Variants in LHCGR observed in about 807,000 individuals in gnomAD.
LHCGR encodes the protein luteinizing hormone/choriogonadotropin receptor.
In LHCGR, 55 loss-of-function variants were observed where a neutral mutation model predicts 60.7. The observed-to-expected ratio is 0.91, with a 90% CI of 0.73 to 1.13. The LOEUF (loss-of-function observed/expected upper bound fraction) is 1.13, where lower values mean the gene tolerates loss of function less well. LHCGR is among the 50% of genes most tolerant of loss of function. The pLI is 0.00. For missense variants in LHCGR, 862 were observed against 836.0 expected, an observed-to-expected ratio of 1.03 and a Z score of -0.38; for synonymous variants, 337 against 316.5, an observed-to-expected ratio of 1.06 and a Z score of -0.69.
intron 1 of LHCGR, among the ~76,000 whole-genome samples, chr2:48,737,103 G>T (rs1162773132): frequency 6.6e-6 from 1 of 152,196 alleles, no homozygotes; most frequent in Non-Finnish European, 1.5e-5. Context: ...GACTGTATAG[G>T]CTCTTTGGTC....
At chr2:48,750,978 C>G (rs1379294856) in intron 1 of LHCGR, among the ~76,000 whole-genome samples, 2 of 152,194 alleles carry the variant, frequency 1.3e-5, no homozygotes, top group African/African-American at 2.4e-5. Context: ...GTCAATATTG[C>G]TAAGATTTAG....
chr2:48,691,409 A>T (rs183017769), intron 10 of LHCGR, among the ~76,000 whole-genome samples: 160 of 152,332 alleles, frequency 1.1e-3, no homozygotes, highest in African/African-American at 3.6e-3. Context: ...CTCGTGTTTT[A>T]TTATTAAATA....
intron 1 of LHCGR, among the ~76,000 whole-genome samples, chr2:48,754,607 C>G (rs938680665): frequency 7.9e-5 from 12 of 152,250 alleles, no homozygotes; most frequent in African/African-American, 2.2e-4. Flanking sequence ...CCCCCCGCCC[C>G]AAGCCCATAC....
chr2:48,748,676 C>T (rs186590238), intron 1 of LHCGR, among the ~76,000 whole-genome samples: 1 of 152,286 alleles, frequency 6.6e-6, no homozygotes, highest in African/African-American at 2.4e-5. Context: ...TTAGTCTTCT[C>T]TGCATCATCA....
chr2:48,755,651 C>G lies in LHCGR; in HGVS notation c.21G>C (p.Ala7=), dbSNP rs1670179093. The G allele has an allele frequency of 1.3e-6, 2 of 1,535,528 alleles. No homozygotes were observed. The highest frequency in any genetic ancestry group is 1.7e-6 in the Non-Finnish European group (2 of 1,146,344). Residue 7 remains alanine (A), a synonymous_variant, in exon 1 of 11, where the codon GCG becomes GCC. Coordinates refer to ENST00000294954, the MANE Select transcript of LHCGR (RefSeq NM_000233.4). MKQRFS[A]LQLLKLLLLL... ...GCAGCAGCAGCTTCAGCAGCTGCAG[C>G]GCCGAGAACCGCTGCTTCATGGCCG...
chr2:48,748,354 G>C (rs557634788), intron 1 of LHCGR, among the ~76,000 whole-genome samples: 9 of 152,270 alleles, frequency 5.9e-5, no homozygotes, highest in African/African-American at 1.9e-4. Flanking sequence ...TGGGGAAAGG[G>C]GGGAGGAAAA....
intron 1 of LHCGR, among the ~76,000 whole-genome samples, chr2:48,745,797 G>T (rs1387049668): frequency 3.3e-5 from 5 of 151,376 alleles, no homozygotes; most frequent in Non-Finnish European, 5.9e-5. Flanking sequence ...GTATACATAT[G>T]TAACTAACCT....
At chr2:48,715,078 C>T (rs1668184465) in intron 6 of LHCGR, among the ~76,000 whole-genome samples, 1 of 152,162 alleles carries the variant, frequency 6.6e-6, no homozygotes, top group African/African-American at 2.4e-5. Flanking sequence ...GTCGTGTTCT[C>T]AGTGGGGCCT....
intron 8 of LHCGR, among the ~76,000 whole-genome samples, chr2:48,705,052 C>G (rs1433816051): frequency 6.6e-6 from 1 of 152,196 alleles, no homozygotes; most frequent in Non-Finnish European, 1.5e-5. Context: ...CCTCTACATA[C>G]TGCTTTAAAT....
chr2:48,698,747 A>G lies in LHCGR; in HGVS notation c.734T>C (p.Ile245Thr). The G allele has an allele frequency of 6.2e-7, 1 of 1,614,162 alleles. No individual in the cohort carries two copies. Among genetic ancestry groups the G allele is most frequent in the African/African-American group, 1.3e-5 (1 of 75,056 alleles). ...QALPSYGLES[I>T]QRLIATSSYS... Reference sequence around the variant, plus strand: ...GGATGACGTGGCAATTAGCCTCTGAATGGACTCTAGGCCATAGCTCGGCAG... The same window carrying G: ...GGATGACGTGGCAATTAGCCTCTGAGTGGACTCTAGGCCATAGCTCGGCAG... The change falls in exon 9 of 11, where the codon ATT (isoleucine) becomes ACT (threonine). Residue 245 changes from isoleucine to threonine, a missense_variant. By Grantham distance (89) the Ile-to-Thr change is moderately conservative. Transcript: ENST00000294954.
In LHCGR at chr2:48,755,618, C is replaced by T. The variant is rs780848944; in HGVS notation, c.54G>A (p.Gln18=). 145 of 1,535,972 alleles carry T rather than the reference C, an allele frequency of 9.4e-5. No individual in the cohort carries two copies. The highest frequency in any genetic ancestry group is 1.2e-4 in the Non-Finnish European group (137 of 1,145,782). The change falls in exon 1 of 11, where the codon CAG becomes CAA. Residue 18 remains glutamine, a synonymous_variant. Coordinates refer to ENST00000294954, the MANE Select transcript of LHCGR (RefSeq NM_000233.4). ...CGCGCAGCGCTCGTGGCAGCGGCGG[C>T]TGCAGCAGCAGCAGCAGCTTCAGCA... ...LQLLKLLLLL[Q]PPLPRALREA...
At chr2:48,708,745 A>G (rs1667827044) in intron 8 of LHCGR, 3 of 616,944 alleles carry the variant, frequency 4.9e-6, no homozygotes, top group African/African-American at 1.8e-5. Context: ...GAACCATAAG[A>G]CAAAATTTCT....
chr2:48,741,069 T>C (rs1669428955), intron 1 of LHCGR, among the ~76,000 whole-genome samples: 1 of 152,108 alleles, frequency 6.6e-6, no homozygotes, highest in South Asian at 2.1e-4. Flanking sequence ...GCTGATGCGA[T>C]CAACTGGAAG....
intron 10 of LHCGR, among the ~76,000 whole-genome samples, chr2:48,689,507 C>T (rs1037105252): frequency 2.0e-5 from 3 of 152,000 alleles, no homozygotes; most frequent in Admixed American, 6.6e-5. Context: ...GAAATAGAAA[C>T]CAAGGATAGA....
intron 1 of LHCGR, among the ~76,000 whole-genome samples, chr2:48,739,288 T>C (rs138238736): frequency 7.8e-4 from 119 of 152,328 alleles, no homozygotes; most frequent in African/African-American, 2.1e-3. Context: ...GAAATACCAT[T>C]TGAGCCAGCC....
rs138309348 is a variant in LHCGR at position 48,688,573 on chromosome 2, C to T, written c.1224G>A (p.Met408Ile). The change falls in exon 11 of 11, where the codon ATG becomes ATA. Residue 408 changes from methionine (M) to isoleucine (I), a missense_variant. Physicochemically the swap from Met to Ile is conservative, Grantham distance 10. Transcript: ENST00000294954. The surrounding 1 kb of genome is among the most constrained non-coding windows in gnomAD (Gnocchi z 5.2). ...MCNLSFADFC[M>I]GLYLLLIASV... is the part of the protein sequence containing the mutation. The stretch of plus-strand genomic sequence containing the variant: ...AGGCTATGAGCAGCAGATAGAGCCC[C>T]ATGCAAAAGTCTGCAAAGGAGAGAT... 23 of 1,614,036 alleles carry T rather than the reference C, an allele frequency of 1.4e-5. No individual in the cohort carries two copies. The African/African-American group carries it at 3.1e-4, about 22-fold the overall frequency.
intron 1 of LHCGR, among the ~76,000 whole-genome samples, chr2:48,745,032 G>C (rs538982259): frequency 3.4e-4 from 52 of 152,104 alleles, no homozygotes; most frequent in African/African-American, 8.7e-4. Flanking sequence ...AAAAGTGGGC[G>C]AAGGACATGA....
intron 7 of LHCGR, among the ~76,000 whole-genome samples, chr2:48,709,542 A>G (rs1404404711): frequency 6.6e-6 from 1 of 152,160 alleles, no homozygotes; most frequent in Non-Finnish European, 1.5e-5. Context: ...TCAGATATGC[A>G]TTTCTCTGTG....
intron 10 of LHCGR, among the ~76,000 whole-genome samples, chr2:48,691,056 G>A (rs1262466632): frequency 6.6e-6 from 1 of 152,170 alleles, no homozygotes; most frequent in Non-Finnish European, 1.5e-5. Context: ...CCCATCTTCT[G>A]CTAATACAAT....
Sources: gnomAD v4.1 joint callset for allele counts (sites outside exome capture counted in the v4.1 genomes callset) on GRCh38, gnomAD v4.1.1 for gene constraint, Gnocchi (gnomAD v3.1) non-coding constraint, MANE v1.5 for transcripts, NCBI Gene and HGNC (gene_info 2026-07-23, HGNC 2026-07-21) for gene names.